The following NEGR1 variants were observed in gnomAD, a reference collection of about 807,000 sequenced individuals.
NEGR1 encodes the protein IgLON family member 4.
A neutral mutation model predicts 40.9 loss-of-function variants in NEGR1; 10 were observed. The ratio of observed to expected loss-of-function variants is 0.24; its 90% CI spans 0.15 to 0.42. NEGR1 has a LOEUF of 0.42. Among genes scored for constraint, NEGR1 ranks in the 10% least tolerant of loss-of-function variants. NEGR1 has a pLI of 1.00. For missense variants in NEGR1, 352 were observed against 438.9 expected (o/e 0.80, Z 1.77); for synonymous variants, 185 against 166.8 (o/e 1.11, Z -0.84).
At chr1:72,124,386 A>C (rs571271312) in intron 1 of NEGR1, among the ~76,000 whole-genome samples, 56 of 152,152 alleles carry the variant, frequency 3.7e-4, no homozygotes, top group Admixed American at 2.2e-3. Context: ...AGAGAACTGA[A>C]AAAAAGATCA....
At chr1:72,031,860 A>T (rs1021302708) in intron 1 of NEGR1, among the ~76,000 whole-genome samples, 5 of 152,170 alleles carry the variant, frequency 3.3e-5, no homozygotes, top group Non-Finnish European at 7.3e-5. Context: ...ATTCTGTACC[A>T]CTGGGAATAT....
chr1:72,178,216 T>A (rs1652244299), intron 1 of NEGR1, among the ~76,000 whole-genome samples: 1 of 152,054 alleles, frequency 6.6e-6, no homozygotes, highest in African/African-American at 2.4e-5. Flanking sequence ...GACCATTGCA[T>A]TCCCTATTAT....
At chr1:71,779,131 T>C (rs965121536) in intron 2 of NEGR1, among the ~76,000 whole-genome samples, 1 of 152,176 alleles carries the variant, frequency 6.6e-6, no homozygotes, top group Non-Finnish European at 1.5e-5. Context: ...GCATCACTTG[T>C]TGGAAGCAGA....
chr1:72,156,675 C>T (rs1310839808), intron 1 of NEGR1, among the ~76,000 whole-genome samples: 2 of 152,026 alleles, frequency 1.3e-5, no homozygotes, highest in Non-Finnish European at 2.9e-5. Context: ...CTGTGATGGT[C>T]CTGCTTTCAT....
At chr1:71,494,301 C>A (rs1646948007) in intron 6 of NEGR1, among the ~76,000 whole-genome samples, 1 of 152,144 alleles carries the variant, frequency 6.6e-6, no homozygotes, top group Admixed American at 6.6e-5. Context: ...GCAGCCAATG[C>A]CAGCACTATG....
intron 1 of NEGR1, among the ~76,000 whole-genome samples, chr1:72,272,540 T>C (rs1028853606): frequency 5.3e-5 from 8 of 152,142 alleles, no homozygotes; most frequent in African/African-American, 1.9e-4. Context: ...AAATATCTTC[T>C]GATTATAGCT....
At chr1:71,646,865 A>G (rs1005923963) in intron 4 of NEGR1, among the ~76,000 whole-genome samples, 4 of 151,886 alleles carry the variant, frequency 2.6e-5, no homozygotes, top group African/African-American at 7.2e-5. Context: ...TTGAATTAAC[A>G]ATTCTAACAT....
chr1:71,971,664 G>T (rs1446192460), intron 1 of NEGR1, among the ~76,000 whole-genome samples: 1 of 152,100 alleles, frequency 6.6e-6, no homozygotes, highest in Non-Finnish European at 1.5e-5. Flanking sequence ...TCATGACTTT[G>T]TAAGTTTTAC....
chr1:72,216,761 A>T (rs183238862), intron 1 of NEGR1, among the ~76,000 whole-genome samples: 2 of 151,522 alleles, frequency 1.3e-5, no homozygotes, highest in Non-Finnish European at 3.0e-5. Context: ...GTTAAATGAA[A>T]GGTAATACAT....
At chr1:71,937,768 C>T (rs778582884) in intron 1 of NEGR1, among the ~76,000 whole-genome samples, 5 of 152,124 alleles carry the variant, frequency 3.3e-5, no homozygotes, top group Non-Finnish European at 7.4e-5. Context: ...ACTGCTTAAC[C>T]TGTCCTAGTA....
At chr1:71,783,211 C>G (rs1262223504) in intron 2 of NEGR1, among the ~76,000 whole-genome samples, 1 of 152,046 alleles carries the variant, frequency 6.6e-6, no homozygotes, top group South Asian at 2.1e-4. Context: ...TTTGCACTCC[C>G]ATATCTGGTA....
chr1:72,219,923 C>T (rs529276374), intron 1 of NEGR1, among the ~76,000 whole-genome samples: 3 of 152,138 alleles, frequency 2.0e-5, no homozygotes, highest in Admixed American at 1.3e-4. Context: ...TTGTTACCTA[C>T]AGTTCCTTGC....
chr1:72,011,254 T>C (rs892341460), intron 1 of NEGR1, among the ~76,000 whole-genome samples: 2 of 152,078 alleles, frequency 1.3e-5, no homozygotes, highest in African/African-American at 4.8e-5. Context: ...GCTCAGCATG[T>C]CTAAGAAGTT....
chr1:71,907,267 A>G (rs913720235), intron 2 of NEGR1, among the ~76,000 whole-genome samples: 1 of 152,174 alleles, frequency 6.6e-6, no homozygotes, highest in East Asian at 1.9e-4. Context: ...TCTAGAAACT[A>G]CATGGCACTG....
intron 1 of NEGR1, among the ~76,000 whole-genome samples, chr1:72,093,193 T>C (rs970417474): frequency 3.3e-5 from 5 of 151,902 alleles, no homozygotes; most frequent in Admixed American, 6.6e-5. Flanking sequence ...TAGCTGAGCA[T>C]GGTGGTGCAT....
At chr1:71,652,298 A>G (rs2101583139) in intron 4 of NEGR1, among the ~76,000 whole-genome samples, 1 of 152,298 alleles carries the variant, frequency 6.6e-6, no homozygotes, top group South Asian at 2.1e-4. Flanking sequence ...TCAATTACTC[A>G]GTCTTTGGTA....
chr1:71,955,811 C>A (rs573569005), intron 1 of NEGR1, among the ~76,000 whole-genome samples: 1 of 152,022 alleles, frequency 6.6e-6, no homozygotes, highest in Non-Finnish European at 1.5e-5. Flanking sequence ...CTTTTCTGGC[C>A]GATAGCACGA....
rs145407217 is a variant in NEGR1 at position 72,115,439 on chromosome 1, C to T, written c.176+166880G>A. ...CAATTGTGTAGAAAGTCCTATTCAG[C>T]GTTTCAGCCTGGCCTCAGCAATGGG... is the stretch of plus-strand genomic sequence containing the variant. On this transcript the variant is annotated intron_variant, in intron 1 of 6. Coordinates refer to ENST00000357731, the MANE Select transcript of NEGR1 (RefSeq NM_173808.3). 1.1e-3 allele frequency among the ~76,000 whole-genome samples: 168 copies of T among 151,784 alleles called. 2 individuals carry two copies. Among genetic ancestry groups the T allele is most frequent in the Non-Finnish European group, 1.2e-4 (8 of 67,800 alleles).
At chr1:72,178,351 T>C (rs775267893) in intron 1 of NEGR1, among the ~76,000 whole-genome samples, 39 of 151,990 alleles carry the variant, frequency 2.6e-4, no homozygotes, top group Non-Finnish European at 5.3e-4. Context: ...CCACTTCTTC[T>C]CTGAATGTCA....
Sources: gnomAD v4.1 joint callset for allele counts (sites outside exome capture counted in the v4.1 genomes callset) on GRCh38, gnomAD v4.1.1 for gene constraint, MANE v1.5 for transcripts, NCBI Gene and HGNC (gene_info 2026-07-23, HGNC 2026-07-21) for gene names.